Variants in KIF13B observed in about 807,000 individuals in gnomAD.
The protein encoded by KIF13B is kinesin family member 13B, also known as kinesin-like protein KIF13B.
KIF13B carries 127 observed loss-of-function variants against 222.0 expected under a neutral mutation model. The observed-to-expected ratio is 0.57, with a 90% confidence interval of 0.50 to 0.66. KIF13B has a LOEUF of 0.66. Among genes scored for constraint, KIF13B ranks in the 30% least tolerant of loss-of-function variants. The pLI is 0.00. For missense variants in KIF13B, 2,173 were observed against 2,379.0 expected (o/e 0.91, Z 1.80); for synonymous variants, 976 against 919.0 (o/e 1.06, Z -1.12).
rs1374030413 is a variant in KIF13B at position 29,113,541 on chromosome 8, ACT to A, written c.3850_3851del (p.Leu1285ProfsTer18). ...NVHGRQGFAQSLLKKMSHRSS... is the reference protein window; with the variant it reads ...NVHGRQGFAQXLLKKMSHRSS... The stretch of plus-strand genomic sequence containing the variant: ...TTCGATGAGACATCTTTTTTAGGAG[ACT>A]CTGTGCAAAACCCTAGAGAAAAACA... On this transcript the variant is annotated frameshift_variant, in exon 32 of 40. Coordinates refer to ENST00000524189, the MANE Select transcript of KIF13B (RefSeq NM_015254.4). LOFTEE classifies it high-confidence loss of function. 2.5e-6 allele frequency: 4 copies of A among 1,581,404 alleles called. No individual in the cohort carries two copies. The highest frequency in any genetic ancestry group is 2.6e-6 in the Non-Finnish European group (3 of 1,161,448).
At chr8:29,195,750 T>C (rs1254583942) in intron 3 of KIF13B, among the ~76,000 whole-genome samples, 1 of 151,636 alleles carries the variant, frequency 6.6e-6, no homozygotes, top group Admixed American at 6.6e-5. Flanking sequence ...GTCTCGGGAG[T>C]GGGGAGGATG....
At chr8:29,259,596 G>GT (rs1251853216) in intron 1 of KIF13B, among the ~76,000 whole-genome samples, 1 of 152,232 alleles carries the variant, frequency 6.6e-6, no homozygotes, top group East Asian at 1.9e-4. Flanking sequence ...CCTATTAAAT[G>GT]TTTTTTAAGC....
Position 29,108,184 on chromosome 8 carries a change from T to C in KIF13B, c.4170A>G (p.Gly1390=). The change falls in exon 35 of 40, where the codon GGA becomes GGG. Residue 1390 remains glycine (G), a synonymous_variant. Transcript: ENST00000524189. ...ATGATGGAATGAGATCTTGTCGGCT[T>C]CCAGACAACTGAAGAAGAAAGAAAG... ...ISSPNVNRLS[G]SRQDLIPSYS... 1 of 1,612,352 alleles carries C rather than the reference T, an allele frequency of 6.2e-7. No individual in the cohort carries two copies. The highest frequency in any genetic ancestry group is 1.3e-5 in the African/African-American group (1 of 75,010).
Position 29,071,935 on chromosome 8 carries a change from G to C in KIF13B, c.4903C>G (p.Pro1635Ala). The stretch of plus-strand genomic sequence containing the variant: ...CCGGGCGCCGGGGCCTCGAGGTCGG[G>C]GCGCTCCCGACCGGGGCTCACGAGC... ...QQLVSPGRER[P>A]DLEAPAPGSP... The change falls in exon 39 of 40, where the codon CCC (proline) becomes GCC (alanine). Residue 1635 changes from proline to alanine, a missense_variant. Around this residue, in one of 2 missense-constraint regions of KIF13B, gnomAD observed 693 missense variants for 656.2 expected, o/e 1.06. Transcript: ENST00000524189. The surrounding 1 kb of genome is among the most constrained non-coding windows in gnomAD (Gnocchi z 4.9). 1.4e-6 allele frequency: 2 copies of C among 1,407,900 alleles called. No individual in the cohort carries two copies. The highest frequency in any genetic ancestry group is 3.1e-5 in the East Asian group (1 of 31,758). 87.2% of individuals were successfully genotyped at this position (1,407,900 alleles called of 1,614,324 possible). A position where few individuals can be genotyped will look rare whatever the true frequency, so the allele number is the denominator to read the frequency against.
chr8:29,110,861 A>G (rs1391441382), intron 32 of KIF13B, among the ~76,000 whole-genome samples: 2 of 152,234 alleles, frequency 1.3e-5, no homozygotes, highest in Non-Finnish European at 2.9e-5. Context: ...TCACTTGTAA[A>G]TTTCTTATAA....
In KIF13B at chr8:29,071,929, G is replaced by A. The variant is rs888352370; in HGVS notation, c.4909C>T (p.Leu1637Phe). 1.4e-6 allele frequency: 2 copies of A among 1,421,838 alleles called. No individual in the cohort carries two copies. Among genetic ancestry groups the A allele is most frequent in the Non-Finnish European group, 1.8e-6 (2 of 1,099,348 alleles). 88.1% of individuals were successfully genotyped at this position (1,421,838 alleles called of 1,614,324 possible). A position where few individuals can be genotyped will look rare whatever the true frequency, so the allele number is the denominator to read the frequency against. The part of the protein sequence containing the change: ...LVSPGRERPD[L>F]EAPAPGSPFR... ...GGGGAGCCGGGCGCCGGGGCCTCGAGGTCGGGGCGCTCCCGACCGGGGCTC... is the reference window on the plus strand; with the variant it reads ...GGGGAGCCGGGCGCCGGGGCCTCGAAGTCGGGGCGCTCCCGACCGGGGCTC... The change falls in exon 39 of 40, where the codon CTC becomes TTC. Residue 1637 changes from leucine (L) to phenylalanine (F), a missense_variant. By Grantham distance (22) the Leu-to-Phe change is conservative. Around this residue, in one of 2 missense-constraint regions of KIF13B, gnomAD observed 693 missense variants for 656.2 expected, o/e 1.06. Coordinates refer to ENST00000524189, the MANE Select transcript of KIF13B (RefSeq NM_015254.4). The surrounding 1 kb of genome is among the most constrained non-coding windows in gnomAD (Gnocchi z 4.9).
chr8:29,170,126 A>G lies in KIF13B; in HGVS notation c.946-2541T>C, dbSNP rs897595442. Among the ~76,000 whole-genome samples the G allele has an allele frequency of 7.9e-5, 12 of 152,378 alleles. No individual in the cohort carries two copies. The South Asian group carries it at 2.3e-3, about 29-fold the overall frequency. On this transcript the variant is annotated intron_variant, in intron 10 of 39. Transcript: ENST00000524189. Reference sequence around the variant, plus strand: ...AAGAACTGGCACTCATTCAAGGAGAAAGTAGAAAGTGTCTTGTTTACTCTT... The same window carrying G: ...AAGAACTGGCACTCATTCAAGGAGAGAGTAGAAAGTGTCTTGTTTACTCTT...
intron 2 of KIF13B, chr8:29,218,847 A>G (rs1386615073): frequency 6.6e-6 from 1 of 152,258 alleles, no homozygotes; most frequent in Non-Finnish European, 1.5e-5. Flanking sequence ...ACTACAGCCA[A>G]GGGAGAGCCT....
chr8:29,115,640 A>G (rs866674119), intron 31 of KIF13B, among the ~76,000 whole-genome samples: 5 of 152,222 alleles, frequency 3.3e-5, no homozygotes, highest in Middle Eastern at 6.8e-3. Flanking sequence ...ATTCTTACCT[A>G]GAAGTTTTGT....
intron 2 of KIF13B, among the ~76,000 whole-genome samples, chr8:29,207,754 A>G (rs1378705): frequency 0.18 from 28,041 of 152,128 alleles, 2,858 homozygotes; most frequent in African/African-American, 0.26. Context: ...TATAGAAGAG[A>G]CCAGGTATAC....
intron 22 of KIF13B, among the ~76,000 whole-genome samples, chr8:29,132,747 G>A (rs1417725175): frequency 6.6e-6 from 1 of 151,990 alleles, no homozygotes; most frequent in Non-Finnish European, 1.5e-5. Flanking sequence ...CAATATTTTG[G>A]GAGCTATTTT....
chr8:29,227,079 C>T lies in KIF13B; in HGVS notation c.149+18267G>A, dbSNP rs938914801. ...TTTTAGGATGCATCAGCTATATGCA[C>T]AGATACATTTTTATACCATTTCTTT... On this transcript the variant is annotated intron_variant, in intron 2 of 39. Transcript: ENST00000524189. Among the ~76,000 whole-genome samples, 11 of 152,270 alleles carry T rather than the reference C, an allele frequency of 7.2e-5. No individual in the cohort carries two copies. The South Asian group carries it at 8.3e-4, about 11-fold the overall frequency.
chr8:29,156,072 G>A (rs531702212), intron 13 of KIF13B, among the ~76,000 whole-genome samples: 5 of 152,180 alleles, frequency 3.3e-5, no homozygotes, highest in South Asian at 2.1e-4. Flanking sequence ...AGGTTCAAGC[G>A]ATTCTCCTGC....
At position 29,070,895 on chromosome 8, in the gene KIF13B, C is replaced by T. The variant is rs184976467; in HGVS notation, c.5219-129G>A. 1.6e-4 allele frequency: 159 copies of T among 1,006,734 alleles called. 2 individuals are homozygous for T. In the East Asian group the frequency reaches 4.2e-3, roughly 27 times the overall value. 62.4% of individuals were successfully genotyped at this position (1,006,734 alleles called of 1,614,324 possible). A position where few individuals can be genotyped will look rare whatever the true frequency, so the allele number is the denominator to read the frequency against. On this transcript the variant is annotated intron_variant, in intron 39 of 39. Transcript: ENST00000524189. The surrounding 1 kb of genome is among the most constrained non-coding windows in gnomAD (Gnocchi z 4.1). ...CCGCACAGGCCCTACACAGCCAGCA[C>T]TCGGACACTGGCCATTGTCTGGCAG...
At chr8:29,134,560 G>C (rs1034099381) in intron 21 of KIF13B, among the ~76,000 whole-genome samples, 1 of 152,196 alleles carries the variant, frequency 6.6e-6, no homozygotes, top group Non-Finnish European at 1.5e-5. Context: ...ATATGAACTT[G>C]GCTAACCATG....
intron 38 of KIF13B, among the ~76,000 whole-genome samples, chr8:29,073,523 G>T (rs768212882): frequency 2.6e-5 from 4 of 152,172 alleles, no homozygotes; most frequent in African/African-American, 9.7e-5. Context: ...CACAGTGACC[G>T]AAGAAAAGGA....
At chr8:29,123,553 C>T (rs1809972446) in intron 27 of KIF13B, 61 bp from the exon 28 acceptor site, 3 of 1,597,970 alleles carry the variant, frequency 1.9e-6, no homozygotes, top group Admixed American at 1.7e-5. Context: ...TCTTTTTGTC[C>T]TGAGTAAAGA....
intron 2 of KIF13B, among the ~76,000 whole-genome samples, chr8:29,206,179 C>T (rs1332699803): frequency 6.6e-6 from 1 of 152,128 alleles, no homozygotes; most frequent in East Asian, 1.9e-4. Flanking sequence ...AATCCCAGCA[C>T]TTTCGGAGGC....
intron 2 of KIF13B, among the ~76,000 whole-genome samples, chr8:29,235,796 G>A (rs1320815115): frequency 2.0e-5 from 3 of 152,172 alleles, no homozygotes; most frequent in Admixed American, 1.3e-4. Context: ...CTTGAAGATC[G>A]GTCTGGTGAC....
Sources: gnomAD v4.1 joint callset for allele counts (sites outside exome capture counted in the v4.1 genomes callset) on GRCh38, gnomAD v4.1.1 for gene constraint, gnomAD v4.1.1 regional missense constraint, Gnocchi (gnomAD v3.1) non-coding constraint, MANE v1.5 for transcripts, NCBI Gene and HGNC (gene_info 2026-07-23, HGNC 2026-07-21) for gene names.